The following CEP41 variants were observed in gnomAD, a reference collection of about 807,000 sequenced individuals.
The protein encoded by CEP41 is centrosomal protein 41, also known as centrosomal protein of 41 kDa.
In CEP41, 32 loss-of-function variants were observed where a neutral mutation model predicts 44.3. The ratio of observed to expected loss-of-function variants is 0.72; its 90% CI spans 0.54 to 0.97. The LOEUF is 0.97. Ranked by LOEUF, CEP41 falls within the 50% of genes least tolerant of loss-of-function variation. The pLI, the probability that CEP41 is intolerant of heterozygous loss-of-function variation, is 0.00. For synonymous variants in CEP41, 151 were observed against 168.5 expected, an observed-to-expected ratio of 0.90 and a Z score of 0.80; for missense variants, 432 against 455.2, an observed-to-expected ratio of 0.95 and a Z score of 0.46.
intron 1 of CEP41, among the ~76,000 whole-genome samples, chr7:130,434,881 G>C (rs1554425856): frequency 1.3e-5 from 2 of 152,062 alleles, no homozygotes; most frequent in Non-Finnish European, 2.9e-5. Context: ...GAAGTATACA[G>C]ATAATCAAAT....
In CEP41 at chr7:130,396,108, T is replaced by C. The variant is rs1367867006; in HGVS notation, c.*2783A>G. 4.4e-6 allele frequency: 2 copies of C among 453,948 alleles called. No homozygotes were observed. The highest frequency in any genetic ancestry group is 4.0e-5 in the African/African-American group (2 of 49,978). The allele number at this position is 453,948 out of a possible 1,614,324, so 28.1% of individuals were successfully genotyped here. ...TTTCTCCCTTCCTTTCTTTTTTTCT[T>C]TTCTCCCTTCCTTAAACACAAACCC... On this transcript the variant is annotated 3_prime_UTR_variant, in exon 11 of 11. Coordinates refer to ENST00000223208, the MANE Select transcript of CEP41 (RefSeq NM_018718.3).
chr7:130,439,994 T>G (rs981466967), intron 1 of CEP41, among the ~76,000 whole-genome samples: 1 of 152,206 alleles, frequency 6.6e-6, no homozygotes, highest in African/African-American at 2.4e-5. Flanking sequence ...GTTCACAGGC[T>G]CCTTCACTAG....
At chr7:130,404,008 G>C (rs531743616) in intron 6 of CEP41, among the ~76,000 whole-genome samples, 33 of 152,174 alleles carry the variant, frequency 2.2e-4, no homozygotes, top group Non-Finnish European at 3.8e-4. Flanking sequence ...ATATTAGTTA[G>C]AAAGTACTAC....
At chr7:130,441,498 GGTTAA>G (rs1226749437), upstream of CEP41, among the ~76,000 whole-genome samples, 12 of 152,284 alleles carry the variant, frequency 7.9e-5, no homozygotes, top group East Asian at 3.9e-4. Flanking sequence ...ATTATTTTCT[GGTTAA>G]GTTAATATGC....
Position 130,400,696 on chromosome 7 carries a change from A to G in CEP41, c.757+11T>C, listed in dbSNP as rs1050676312. 67 of 1,554,554 alleles carry G rather than the reference A, an allele frequency of 4.3e-5. No individual in the cohort carries two copies. Among genetic ancestry groups the G allele is most frequent in the Non-Finnish European group, 5.1e-5 (58 of 1,128,550 alleles). On this transcript the variant is annotated intron_variant, in intron 9 of 10. Coordinates refer to ENST00000223208, the MANE Select transcript of CEP41 (RefSeq NM_018718.3). Reference sequence around the variant, plus strand: ...CCTTTGAAGTCCCAAGCAGAGTATCACCTTGCTCACCTCCGGAAAGCATGA... The same window carrying G: ...CCTTTGAAGTCCCAAGCAGAGTATCGCCTTGCTCACCTCCGGAAAGCATGA...
intron 1 of CEP41, among the ~76,000 whole-genome samples, chr7:130,430,676 T>C (rs1478148555): frequency 6.6e-6 from 1 of 152,218 alleles, no homozygotes; most frequent in Non-Finnish European, 1.5e-5. Context: ...GGAAAGTATG[T>C]GCCTGGTAAA....
chr7:130,440,805 A>ACCCCCC, intron 1 of CEP41, 129 bp downstream of exon 1: 3 of 352,300 alleles, frequency 8.5e-6, no homozygotes, highest in Non-Finnish European at 1.7e-5. Context: ...CTGCATCCCG[A>ACCCCCC]CCCCTCCTCA....
In CEP41 at chr7:130,398,386, C is replaced by A. The variant is rs868921759; in HGVS notation, c.*505G>T. ...AGTGAGCCTGCTGGGGTGGGGTCTG[C>A]AGGCGGCTGGAACCTAAGGCTCATC... On this transcript the variant is annotated 3_prime_UTR_variant, in exon 11 of 11. Coordinates refer to ENST00000223208, the MANE Select transcript of CEP41 (RefSeq NM_018718.3). The A allele has an allele frequency of 3.1e-5, 14 of 454,072 alleles. No homozygotes were observed. The highest frequency in any genetic ancestry group is 1.4e-4 in the Admixed American group (6 of 42,568). 28.1% of individuals were successfully genotyped at this position (454,072 alleles called of 1,614,324 possible). A position where few individuals can be genotyped will look rare whatever the true frequency, so the allele number is the denominator to read the frequency against.
At chr7:130,440,383 C>A (rs1309258966) in intron 1 of CEP41, among the ~76,000 whole-genome samples, 2 of 152,156 alleles carry the variant, frequency 1.3e-5, no homozygotes, top group Admixed American at 1.3e-4. Flanking sequence ...CCTACTGCAC[C>A]GTGGAAGTTT....
intron 5 of CEP41, among the ~76,000 whole-genome samples, chr7:130,410,067 C>T (rs1292927034): frequency 4.9e-5 from 6 of 122,300 alleles, no homozygotes; most frequent in African/African-American, 1.9e-4. Context: ...GCTGTGTTGC[C>T]CAGGCTGGAG....
intron 1 of CEP41, 152 bp downstream of exon 1, chr7:130,440,782 G>GGCCCC: frequency 1.3e-5 from 7 of 531,114 alleles, no homozygotes; most frequent in South Asian, 5.0e-5. Context: ...CCCAAGCCCG[G>GGCCCC]CCCGCCCCGC....
intron 1 of CEP41, among the ~76,000 whole-genome samples, chr7:130,439,717 G>A (rs1350194538): frequency 2.0e-5 from 3 of 152,164 alleles, no homozygotes; most frequent in Non-Finnish European, 4.4e-5. Flanking sequence ...CAGCCACCAA[G>A]AGATGAAACA....
At position 130,397,685 on chromosome 7, in the gene CEP41, C is replaced by T. The variant is rs1554415395; in HGVS notation, c.*1206G>A. 9 of 454,140 alleles carry T rather than the reference C, an allele frequency of 2.0e-5. No individual in the cohort carries two copies. The highest frequency in any genetic ancestry group is 1.2e-4 in the South Asian group (8 of 64,376). The allele number at this position is 454,140 out of a possible 1,614,324, so 28.1% of individuals were successfully genotyped here. On this transcript the variant is annotated 3_prime_UTR_variant, in exon 11 of 11. Transcript: ENST00000223208. Reference sequence around the variant, plus strand: ...CCCTTATCACAGCTACGATCACAGACCATAAAAATTAACACCGCTCTTTTC... The same window carrying T: ...CCCTTATCACAGCTACGATCACAGATCATAAAAATTAACACCGCTCTTTTC...
chr7:130,398,803 G>T lies in CEP41; in HGVS notation c.*88C>A, dbSNP rs781981048. On this transcript the variant is annotated 3_prime_UTR_variant, in exon 11 of 11. Transcript: ENST00000223208. The stretch of plus-strand genomic sequence containing the variant: ...CATATGTCATGGTCTTTCCTCTGCA[G>T]AAGTTTCTGGAAATGACCCAACTTG... 11 of 1,470,136 alleles carry T rather than the reference G, an allele frequency of 7.5e-6. No homozygotes were observed. The highest frequency in any genetic ancestry group is 1.7e-4 in the Middle Eastern group (1 of 5,820). The allele number at this position is 1,470,136 out of a possible 1,614,324, so 91.1% of individuals were successfully genotyped here.
rs1270264752 is a variant in CEP41 at position 130,394,584 on chromosome 7, G to A, written c.*4307C>T. The A allele has an allele frequency of 4.4e-6, 2 of 453,796 alleles. No homozygotes were observed. The highest frequency in any genetic ancestry group is 6.9e-5 in the East Asian group (1 of 14,400). The allele number at this position is 453,796 out of a possible 1,614,324, so 28.1% of individuals were successfully genotyped here. On this transcript the variant is annotated 3_prime_UTR_variant, in exon 11 of 11. Coordinates refer to ENST00000223208, the MANE Select transcript of CEP41 (RefSeq NM_018718.3). ...CCCAGCAGCTCTCTGGGTACTTCCTGTAGAGGGAGATCTAAAAACCTCAGG... is the reference window on the plus strand; with the variant it reads ...CCCAGCAGCTCTCTGGGTACTTCCTATAGAGGGAGATCTAAAAACCTCAGG...
Position 130,396,463 on chromosome 7 carries a change from C to T in CEP41, c.*2428G>A, listed in dbSNP as rs1796660263. Reference sequence around the variant, plus strand: ...AAAATCACACCAGTCTCCTGTGGCTCCCCCAAATCATCTCGACAGAAAAGA... The same window carrying T: ...AAAATCACACCAGTCTCCTGTGGCTTCCCCAAATCATCTCGACAGAAAAGA... On this transcript the variant is annotated 3_prime_UTR_variant, in exon 11 of 11. Coordinates refer to ENST00000223208, the MANE Select transcript of CEP41 (RefSeq NM_018718.3). The T allele has an allele frequency of 2.2e-6, 1 of 454,364 alleles. No individual in the cohort carries two copies. Among genetic ancestry groups the T allele is most frequent in the Admixed American group, 2.3e-5 (1 of 42,554 alleles). The allele number at this position is 454,364 out of a possible 1,614,324, so 28.1% of individuals were successfully genotyped here.
intron 10 of CEP41, chr7:130,399,538 C>T (rs781782804): frequency 4.7e-6 from 1 of 213,826 alleles, no homozygotes; most frequent in Non-Finnish European, 9.4e-6. Flanking sequence ...ACATTTTTGC[C>T]TGGGCGTGGT....
At chr7:130,440,468 C>T in intron 1 of CEP41, 1 of 292,272 alleles carries the variant, frequency 3.4e-6, no homozygotes. Flanking sequence ...ACTGAAGGGT[C>T]CTATGGAGAG....
chr7:130,417,171 T>C (rs1797362882), intron 2 of CEP41: 3 of 1,379,208 alleles, frequency 2.2e-6, no homozygotes, highest in Non-Finnish European at 2.8e-6. Flanking sequence ...GGAAATGTTT[T>C]GGTAGAATGT....
Sources: gnomAD v4.1 joint callset for allele counts (sites outside exome capture counted in the v4.1 genomes callset) on GRCh38, gnomAD v4.1.1 for gene constraint, MANE v1.5 for transcripts, NCBI Gene and HGNC (gene_info 2026-07-23, HGNC 2026-07-21) for gene names.